The following FOXJ3 variants were observed in gnomAD, a reference collection of about 807,000 sequenced individuals.
The protein encoded by FOXJ3 is forkhead box J3.
A neutral mutation model predicts 76.1 loss-of-function variants in FOXJ3; 22 were observed. That is an observed-to-expected ratio of 0.29 (90% CI 0.21 to 0.41). FOXJ3 has a LOEUF of 0.41. Among genes scored for constraint, FOXJ3 ranks in the 10% least tolerant of loss-of-function variants. FOXJ3 has a pLI of 1.00. For synonymous variants in FOXJ3, 269 were observed against 261.2 expected (o/e 1.03, Z -0.29); for missense variants, 613 against 762.1 (o/e 0.80, Z 2.30).
At chr1:42,198,498 C>T (rs1207966879) in intron 7 of FOXJ3, among the ~76,000 whole-genome samples, 7 of 151,956 alleles carry the variant, frequency 4.6e-5, no homozygotes. Context: ...TATCTGCTCA[C>T]TGAGGAAGAC....
chr1:42,234,001 T>A (rs1318188073), intron 4 of FOXJ3, among the ~76,000 whole-genome samples: 1 of 152,240 alleles, frequency 6.6e-6, no homozygotes, highest in African/African-American at 2.4e-5. Context: ...GTTTTTAGCA[T>A]GAATGGTTGT....
At position 42,227,904 on chromosome 1, in the gene FOXJ3, CT is replaced by C; in HGVS notation, c.506del (p.Lys169ArgfsTer6). The C allele has an allele frequency of 6.3e-7, 1 of 1,578,170 alleles. No homozygotes were observed. Among genetic ancestry groups the C allele is most frequent in the Non-Finnish European group, 8.7e-7 (1 of 1,154,554 alleles). ...TTACCCGTTCTACAGATCGTGCCCT[CT>C]TCTTTGGCCGAGTAGGCAGCACATC... Reference protein sequence around the residue: ...KEDVLPTRPKKRARSVERAST... With the variant: ...KEDVLPTRPKXRARSVERAST... On this transcript the variant is annotated frameshift_variant, in exon 5 of 13. Transcript: ENST00000361346. LOFTEE classifies it high-confidence loss of function.
At chr1:42,236,998 T>C (rs558060937) in intron 4 of FOXJ3, among the ~76,000 whole-genome samples, 2 of 152,310 alleles carry the variant, frequency 1.3e-5, no homozygotes, top group African/African-American at 4.8e-5. Context: ...ATTCGGATTA[T>C]AAGAATATAG....
At chr1:42,325,671 A>T (rs1655791242) in intron 1 of FOXJ3, among the ~76,000 whole-genome samples, 1 of 152,256 alleles carries the variant, frequency 6.6e-6, no homozygotes, top group East Asian at 1.9e-4. Flanking sequence ...GCTTATAAGT[A>T]GATCCTTAAG....
At chr1:42,208,974 G>A (rs1646913277) in intron 5 of FOXJ3, among the ~76,000 whole-genome samples, 1 of 152,126 alleles carries the variant, frequency 6.6e-6, no homozygotes, top group South Asian at 2.1e-4. Context: ...GGTTGTATAG[G>A]TACTTGAAGT....
chr1:42,255,759 ATGC>A (rs1650536159), intron 4 of FOXJ3, among the ~76,000 whole-genome samples: 1 of 152,246 alleles, frequency 6.6e-6, no homozygotes, highest in South Asian at 2.1e-4. Context: ...GTGGTGGCTC[ATGC>A]CTGTAATCCC....
intron 4 of FOXJ3, among the ~76,000 whole-genome samples, chr1:42,236,921 T>G (rs372065228): frequency 6.6e-6 from 1 of 152,248 alleles, no homozygotes; most frequent in Admixed American, 6.5e-5. Flanking sequence ...CATCTTTGCA[T>G]GTACTTATTT....
At chr1:42,193,145 A>G (rs1009941594) in intron 8 of FOXJ3, among the ~76,000 whole-genome samples, 11 of 152,142 alleles carry the variant, frequency 7.2e-5, no homozygotes, top group African/African-American at 2.7e-4. Context: ...TGATAAGTAT[A>G]ATATAGTTTT....
At chr1:42,229,428 GT>G (rs1205324790) in intron 4 of FOXJ3, among the ~76,000 whole-genome samples, 1 of 152,134 alleles carries the variant, frequency 6.6e-6, no homozygotes, top group East Asian at 1.9e-4. Context: ...AAAAAAAGCT[GT>G]TTAACAAACT....
At chr1:42,212,480 T>G (rs552564850) in intron 5 of FOXJ3, among the ~76,000 whole-genome samples, 1 of 151,704 alleles carries the variant, frequency 6.6e-6, no homozygotes, top group East Asian at 1.9e-4. Context: ...TAGAAAAAAA[T>G]AATTTCAGAG....
intron 7 of FOXJ3, among the ~76,000 whole-genome samples, chr1:42,195,475 T>C (rs1646633713): frequency 6.6e-6 from 1 of 152,214 alleles, no homozygotes. Context: ...TTCAATTAAC[T>C]TTTTAGTATA....
intron 8 of FOXJ3, among the ~76,000 whole-genome samples, chr1:42,192,174 T>G (rs1417117004): frequency 6.6e-6 from 1 of 152,166 alleles, no homozygotes; most frequent in Non-Finnish European, 1.5e-5. Context: ...GACCGCACAA[T>G]CTAAACTAAA....
intron 5 of FOXJ3, among the ~76,000 whole-genome samples, chr1:42,224,695 T>C (rs1345751325): frequency 6.6e-6 from 1 of 151,648 alleles, no homozygotes; most frequent in African/African-American, 2.4e-5. Flanking sequence ...GAAAAAATAA[T>C]ATTAGGATGG....
At chr1:42,313,395 T>C (rs528558383) in intron 1 of FOXJ3, among the ~76,000 whole-genome samples, 1 of 151,812 alleles carries the variant, frequency 6.6e-6, no homozygotes, top group South Asian at 2.1e-4. Flanking sequence ...CTAGGATGGT[T>C]GTATCCCCCA....
intron 1 of FOXJ3, among the ~76,000 whole-genome samples, chr1:42,323,985 T>C (rs1350500407): frequency 4.7e-5 from 7 of 148,396 alleles, no homozygotes. Flanking sequence ...ACCTGAATGA[T>C]TAACTCTTAA....
At chr1:42,333,712 G>A (rs1220980242) in intron 1 of FOXJ3, among the ~76,000 whole-genome samples, 5 of 152,108 alleles carry the variant, frequency 3.3e-5, no homozygotes, top group Non-Finnish European at 7.4e-5. Context: ...TAATCTGGAA[G>A]AGACATTAAG....
At chr1:42,276,369 C>T (rs751323416) in intron 3 of FOXJ3, among the ~76,000 whole-genome samples, 5 of 150,580 alleles carry the variant, frequency 3.3e-5, no homozygotes, top group Middle Eastern at 3.4e-3. Flanking sequence ...AAAAAGGGGG[C>T]GGGGGAAAGG....
At chr1:42,271,745 C>T (rs1009566185) in intron 3 of FOXJ3, among the ~76,000 whole-genome samples, 1 of 152,034 alleles carries the variant, frequency 6.6e-6, no homozygotes, top group African/African-American at 2.4e-5. Flanking sequence ...ACCTCCTGGG[C>T]TCTAGTAATC....
At chr1:42,203,873 G>A (rs1646809912) in intron 6 of FOXJ3, among the ~76,000 whole-genome samples, 1 of 151,894 alleles carries the variant, frequency 6.6e-6, no homozygotes, top group Non-Finnish European at 1.5e-5. Context: ...GTGGGCACCT[G>A]TAATCCCAGC....
Sources: gnomAD v4.1 joint callset for allele counts (sites outside exome capture counted in the v4.1 genomes callset) on GRCh38, gnomAD v4.1.1 for gene constraint, MANE v1.5 for transcripts, NCBI Gene and HGNC (gene_info 2026-07-23, HGNC 2026-07-21) for gene names.